KIF1A: variants seen among roughly 807,000 people sequenced by gnomAD.
The protein encoded by KIF1A is kinesin-like protein KIF1A.
KIF1A carries 46 observed loss-of-function variants against 227.3 expected under a neutral mutation model. The ratio of observed to expected loss-of-function variants is 0.20; its 90% confidence interval spans 0.16 to 0.26. The LOEUF (loss-of-function observed/expected upper bound fraction) is 0.26, where lower values mean the gene tolerates loss of function less well. Ranked by LOEUF, KIF1A falls within the 10% of genes least tolerant of loss-of-function variation. KIF1A has a pLI of 1.00. For synonymous variants in KIF1A, 1,022 were observed against 1,012.8 expected, an observed-to-expected ratio of 1.01 and a Z score of -0.17; for missense variants, 1,683 against 2,485.9, an observed-to-expected ratio of 0.68 and a Z score of 6.87.
intron 1 of KIF1A, among the ~76,000 whole-genome samples, chr2:240,813,888 C>T (rs1249445654): frequency 1.3e-5 from 2 of 152,200 alleles, no homozygotes; most frequent in African/African-American, 4.8e-5. Context: ...AACAACCGAG[C>T]ACAACCTCTG....
intron 10 of KIF1A, chr2:240,782,232 C>G (rs912119298): frequency 2.0e-6 from 2 of 981,432 alleles, no homozygotes; most frequent in East Asian, 1.1e-4. Context: ...GCCTGTCACC[C>G]GCTTCCTCTC....
chr2:240,775,248 A>G lies in KIF1A; in HGVS notation c.958+603T>C, dbSNP rs1365139046. 1.3e-5 allele frequency among the ~76,000 whole-genome samples: 2 copies of G among 152,136 alleles called. No homozygotes were observed. The highest frequency in any genetic ancestry group is 2.9e-5 in the Non-Finnish European group (2 of 68,016). ...CACACCTCAGCCATGCGGCTGAGGG[A>G]GGCCAGGGACCCCCAGTCATCTATG... On this transcript the variant is annotated intron_variant, in intron 11 of 48. Transcript: ENST00000498729. This position sits in a 1 kb window ranked among gnomAD's most constrained non-coding sequence, Gnocchi z 5.5.
intron 27 of KIF1A, among the ~76,000 whole-genome samples, chr2:240,751,683 C>T (rs2049225281): frequency 6.6e-6 from 1 of 152,146 alleles, no homozygotes; most frequent in Non-Finnish European, 1.5e-5. Context: ...ACCAGTCAGA[C>T]ACATCCCCCC....
At position 240,775,807 on chromosome 2, in the gene KIF1A, G is replaced by A. The variant is rs772020379; in HGVS notation, c.958+44C>T. 7.6e-7 allele frequency: 1 copy of A among 1,308,250 alleles called. No individual in the cohort carries two copies. The highest frequency in any genetic ancestry group is 1.1e-6 in the Non-Finnish European group (1 of 900,830). 81.0% of individuals were successfully genotyped at this position (1,308,250 alleles called of 1,614,324 possible). ...GTGGGGAAGAAGGGCACAGCCCAGGGTGGGATCAGAGCCCTGGGGACAGGC... is the reference window on the plus strand; with the variant it reads ...GTGGGGAAGAAGGGCACAGCCCAGGATGGGATCAGAGCCCTGGGGACAGGC... On this transcript the variant is annotated intron_variant, in intron 11 of 48. Transcript: ENST00000498729. This position sits in a 1 kb window ranked among gnomAD's most constrained non-coding sequence, Gnocchi z 5.5.
At chr2:240,741,692 C>T (rs761132271) in intron 34 of KIF1A, among the ~76,000 whole-genome samples, 7 of 152,230 alleles carry the variant, frequency 4.6e-5, no homozygotes, top group East Asian at 3.8e-4. Flanking sequence ...ACAGGGCAGC[C>T]GCACATACCC....
In KIF1A at chr2:240,769,692, G is replaced by T; in HGVS notation, c.1356C>A (p.Ile452=). The T allele has an allele frequency of 6.2e-7, 1 of 1,613,444 alleles. No individual in the cohort carries two copies. Among genetic ancestry groups the T allele is most frequent in the South Asian group, 1.1e-5 (1 of 91,066 alleles). Residue 452 remains isoleucine (I), a synonymous_variant, in exon 16 of 49, where the codon ATC becomes ATA. Transcript: ENST00000498729. ...CCCAGGTCTCATTGAGCTCAGCTATGATCTTCTCTGTTTCCTGGGGATTGA... is the reference window on the plus strand; with the variant it reads ...CCCAGGTCTCATTGAGCTCAGCTATTATCTTCTCTGTTTCCTGGGGATTGA... ...AIERLKETEK[I]IAELNETWEE... is the part of the protein sequence containing the mutation.
intron 1 of KIF1A, among the ~76,000 whole-genome samples, chr2:240,812,302 C>T (rs964797480): frequency 3.3e-5 from 5 of 152,182 alleles, no homozygotes; most frequent in East Asian, 1.9e-4. Context: ...TGCCTCAGCT[C>T]GAGGAGTGTC....
At chr2:240,729,471 C>G (rs1394703310) in intron 38 of KIF1A, among the ~76,000 whole-genome samples, 3 of 152,250 alleles carry the variant, frequency 2.0e-5, no homozygotes. Flanking sequence ...TCAGGAACCA[C>G]GTCCCTGCCC....
intron 1 of KIF1A, among the ~76,000 whole-genome samples, chr2:240,800,306 G>T (rs1191630669): frequency 6.6e-6 from 1 of 152,186 alleles, no homozygotes; most frequent in African/African-American, 2.4e-5. Flanking sequence ...CTGGGGTATG[G>T]AATATGCACA....
intron 14 of KIF1A, among the ~76,000 whole-genome samples, chr2:240,771,884 G>A (rs1461024459): frequency 6.6e-6 from 1 of 152,198 alleles, no homozygotes; most frequent in Non-Finnish European, 1.5e-5. Context: ...CTCTGAAGTG[G>A]GTGGTGCCAG....
In KIF1A at chr2:240,732,460, G is replaced by A. The variant is rs560464250; in HGVS notation, c.4007+4603C>T. On this transcript the variant is annotated intron_variant, in intron 38 of 48. Transcript: ENST00000498729. ...AATTAGGGAATGCAGGGACGAGGAG[G>A]TAAGGGATGAGGGGGTGAGGGGAGG... 6.2e-5 allele frequency among the ~76,000 whole-genome samples: 9 copies of A among 144,304 alleles called. 1 individual carries two copies. In the East Asian group the frequency reaches 1.8e-3, roughly 29 times the overall value. The allele number at this position is 144,304 out of a possible 152,430, so 94.7% of individuals were successfully genotyped here. A position where few individuals can be genotyped will look rare whatever the true frequency, so the allele number is the denominator to read the frequency against.
At chr2:240,815,942 G>C (rs572366764) in intron 1 of KIF1A, among the ~76,000 whole-genome samples, 3 of 152,284 alleles carry the variant, frequency 2.0e-5, no homozygotes, top group South Asian at 4.1e-4. Context: ...GGTGCACAGT[G>C]CAGGCTATGA....
rs944920713 is a variant in KIF1A, at chr2:240,752,399, G to A, written c.2859-1852C>T. 9.9e-5 allele frequency among the ~76,000 whole-genome samples: 15 copies of A among 152,244 alleles called. No individual in the cohort carries two copies. The highest frequency in any genetic ancestry group is 3.4e-3 in the Middle Eastern group (1 of 294). On this transcript the variant is annotated intron_variant, in intron 27 of 48. Transcript: ENST00000498729. The surrounding 1 kb of genome is among the most constrained non-coding windows in gnomAD (Gnocchi z 6.4). ...TCCCCACAGTCCTGCTGGGTGCTCC[G>A]CAGGCAGGGACTCACCAGCATCCCC... is the stretch of plus-strand genomic sequence containing the variant.
chr2:240,743,622 G>A (rs1165889449), intron 33 of KIF1A, among the ~76,000 whole-genome samples: 1 of 152,178 alleles, frequency 6.6e-6, no homozygotes, highest in Non-Finnish European at 1.5e-5. Flanking sequence ...GTCCTCGGTG[G>A]GCAGCAGAAG....
In KIF1A at chr2:240,773,235, C is replaced by T. The variant is rs2052255462; in HGVS notation, c.1059G>A (p.Gln353=). ...CATTGATGACAGCATTGCAGCGGAT[C>T]TGCTTGGCCCGGTCAGCATACCTGG... is the stretch of plus-strand genomic sequence containing the variant. The part of the protein sequence containing the change: ...STLRYADRAK[Q]IRCNAVINED... Residue 353 remains glutamine, a synonymous_variant, in exon 13 of 49, where the codon CAG becomes CAA. Transcript: ENST00000498729. The T allele has an allele frequency of 6.2e-7, 1 of 1,613,822 alleles. No homozygotes were observed. The highest frequency in any genetic ancestry group is 1.3e-5 in the African/African-American group (1 of 74,924).
intron 28 of KIF1A, among the ~76,000 whole-genome samples, chr2:240,750,200 C>A (rs1366002586): frequency 6.6e-6 from 1 of 152,222 alleles, no homozygotes; most frequent in African/African-American, 2.4e-5. Flanking sequence ...GCAGGGGCTT[C>A]CCCTCCAGGG....
In KIF1A at chr2:240,743,974, G is replaced by A. The variant is rs2125777741; in HGVS notation, c.3552C>T (p.His1184=). 1 of 1,613,694 alleles carries A rather than the reference G, an allele frequency of 6.2e-7. No homozygotes were observed. Among genetic ancestry groups the A allele is most frequent in the Non-Finnish European group, 8.5e-7 (1 of 1,179,788 alleles). Residue 1184 remains histidine, a synonymous_variant, in exon 33 of 49, where the codon CAC becomes CAT. Coordinates refer to ENST00000498729, the MANE Select transcript of KIF1A (RefSeq NM_001244008.2). ...CGTCCTTGCAGAGGGGCGGGAACGG[G>A]TGCTGCTGGTAGTGGCCAAAGACCT... ...VFEVFGHYQQ[H]PFPPLCKDVL... is the part of the protein sequence containing the mutation.
Position 240,740,470 on chromosome 2 carries a change from T to A in KIF1A, c.3750-106A>T. ...GCAAAAACAGGGAAAAGTCAGCAGC[T>A]CCCTCTGGTGAAGATCAGGTGGTCT... On this transcript the variant is annotated intron_variant, in intron 35 of 48. Coordinates refer to ENST00000498729, the MANE Select transcript of KIF1A (RefSeq NM_001244008.2). This position sits in a 1 kb window ranked among gnomAD's most constrained non-coding sequence, Gnocchi z 6.1. 1.1e-6 allele frequency: 1 copy of A among 907,216 alleles called. No homozygotes were observed. The highest frequency in any genetic ancestry group is 1.8e-6 in the Non-Finnish European group (1 of 561,170). The allele number at this position is 907,216 out of a possible 1,614,324, so 56.2% of individuals were successfully genotyped here. A position where few individuals can be genotyped will look rare whatever the true frequency, so the allele number is the denominator to read the frequency against.
At chr2:240,771,169 G>A (rs1234753472) in intron 14 of KIF1A, 65 bp from the exon 15 acceptor site, 1 of 1,605,256 alleles carries the variant, frequency 6.2e-7, no homozygotes, top group South Asian at 1.1e-5. Context: ...TGTTCTCAAG[G>A]TCGGACACGT....
Sources: gnomAD v4.1 joint callset for allele counts (sites outside exome capture counted in the v4.1 genomes callset) on GRCh38, gnomAD v4.1.1 for gene constraint, Gnocchi (gnomAD v3.1) non-coding constraint, MANE v1.5 for transcripts, NCBI Gene and HGNC (gene_info 2026-07-23, HGNC 2026-07-21) for gene names.